The following PACRG variants were observed in gnomAD, a reference collection of about 807,000 sequenced individuals.
PACRG encodes the protein parkin coregulated gene protein.
A neutral mutation model predicts 29.7 loss-of-function variants in PACRG; 29 were observed. The ratio of observed to expected loss-of-function variants is 0.98; its 90% CI spans 0.73 to 1.33. PACRG has a LOEUF of 1.33. Ranked by LOEUF, PACRG falls within the 40% of genes most tolerant of loss-of-function variation. The probability of loss-of-function intolerance (pLI) is 0.00; values close to 1 mark genes in which losing one functional copy is unlikely to be tolerated. For synonymous variants in PACRG, 116 were observed against 118.7 expected, an observed-to-expected ratio of 0.98 and a Z score of 0.15; for missense variants, 279 against 316.2, an observed-to-expected ratio of 0.88 and a Z score of 0.89.
chr6:162,927,217 G>C (rs1487445880), intron 2 of PACRG, among the ~76,000 whole-genome samples: 1 of 152,158 alleles, frequency 6.6e-6, no homozygotes, highest in Non-Finnish European at 1.5e-5. Flanking sequence ...ATGTAAATTA[G>C]TTCAACTATT....
At chr6:162,935,323 A>G (rs1011040937) in intron 2 of PACRG, among the ~76,000 whole-genome samples, 1 of 151,442 alleles carries the variant, frequency 6.6e-6, no homozygotes, top group Non-Finnish European at 1.5e-5. Flanking sequence ...CCAAAATGCA[A>G]AACTTTTTTC....
chr6:162,728,699 A>G (rs1779486075), intron 1 of PACRG, among the ~76,000 whole-genome samples: 1 of 152,206 alleles, frequency 6.6e-6, no homozygotes, highest in Non-Finnish European at 1.5e-5. Context: ...TTTACTTACT[A>G]ATTCCTAACT....
rs535119091 is a variant in PACRG, at chr6:162,885,417, G to A, written c.291+71136G>A. Among the ~76,000 whole-genome samples, 68 of 152,018 alleles carry A rather than the reference G, an allele frequency of 4.5e-4. No homozygotes were observed. The South Asian group carries it at 5.4e-3, about 12-fold the overall frequency. On this transcript the variant is annotated intron_variant, in intron 2 of 4. Coordinates refer to ENST00000366888, the MANE Select transcript of PACRG (RefSeq NM_001080379.2). ...CCCAAGTAGCTGGGATTATAGGAGC[G>A]TGCCACAACACCTGGATAGTTTTTG...
chr6:163,120,982 G>GA (rs1816239939), intron 4 of PACRG, among the ~76,000 whole-genome samples: 1 of 151,968 alleles, frequency 6.6e-6, no homozygotes, highest in Non-Finnish European at 1.5e-5. Context: ...GTTGCTTAAA[G>GA]AAAAAAATGG....
intron 4 of PACRG, among the ~76,000 whole-genome samples, chr6:163,207,774 A>T (rs1260305800): frequency 6.6e-6 from 1 of 152,226 alleles, no homozygotes; most frequent in Non-Finnish European, 1.5e-5. Flanking sequence ...GACTGTCAGG[A>T]TCCATAAGTG....
rs767222690 is a variant in PACRG, at chr6:163,269,867, GAGAAAGAA to G, written c.614-44942_614-44935del. Among the ~76,000 whole-genome samples the G allele has an allele frequency of 5.3e-5, 3 of 56,740 alleles. 1 individual carries two copies. The highest frequency in any genetic ancestry group is 2.5e-4 in the African/African-American group (3 of 12,086). 37.2% of individuals were successfully genotyped at this position (56,740 alleles called of 152,430 possible). On this transcript the variant is annotated intron_variant, in intron 4 of 4. Transcript: ENST00000366888. ...AAAGAAAGAAAGAAAGAGAAAGAAA[GAGAAAGAA>G]AGAAAGAAAGAAAGAAAACAAAGAA...
chr6:163,302,188 C>T (rs1299945693), intron 4 of PACRG, among the ~76,000 whole-genome samples: 1 of 152,096 alleles, frequency 6.6e-6, no homozygotes, highest in East Asian at 1.9e-4. Context: ...TAAATGGCCA[C>T]ATTCAAAACT....
chr6:163,192,608 G>C (rs1780264017), intron 4 of PACRG, among the ~76,000 whole-genome samples: 1 of 152,108 alleles, frequency 6.6e-6, no homozygotes, highest in Non-Finnish European at 1.5e-5. Context: ...TGGTAAGTGT[G>C]TCTCAAGATG....
At position 162,845,347 on chromosome 6, in the gene PACRG, A is replaced by G. The variant is rs1790269724; in HGVS notation, c.291+31066A>G. Among the ~76,000 whole-genome samples, 5 of 152,290 alleles carry G rather than the reference A, an allele frequency of 3.3e-5. No individual in the cohort carries two copies. In the South Asian group the frequency reaches 1.0e-3, roughly 32 times the overall value. ...GTGAGCAAGAATCCCCCAGGCTTGCAAAATTCATTGCAGTGTGGCAACAAG... is the reference window on the plus strand; with the variant it reads ...GTGAGCAAGAATCCCCCAGGCTTGCGAAATTCATTGCAGTGTGGCAACAAG... On this transcript the variant is annotated intron_variant, in intron 2 of 4. Coordinates refer to ENST00000366888, the MANE Select transcript of PACRG (RefSeq NM_001080379.2).
At chr6:163,227,123 A>G (rs1781838040) in intron 4 of PACRG, among the ~76,000 whole-genome samples, 1 of 152,166 alleles carries the variant, frequency 6.6e-6, no homozygotes, top group Admixed American at 6.5e-5. Flanking sequence ...GAGGCTGGGT[A>G]ATTTTTAAGA....
chr6:162,974,552 A>T (rs1269038384), intron 2 of PACRG, among the ~76,000 whole-genome samples: 3 of 152,192 alleles, frequency 2.0e-5, no homozygotes, highest in Non-Finnish European at 4.4e-5. Context: ...TATCTCCATT[A>T]TATACCACTG....
At chr6:163,167,944 G>A (rs1778891866) in intron 4 of PACRG, among the ~76,000 whole-genome samples, 1 of 152,212 alleles carries the variant, frequency 6.6e-6, no homozygotes, top group African/African-American at 2.4e-5. Context: ...GATTGTGGCA[G>A]CTACTCTTTC....
rs1385207548 is a variant in PACRG at position 163,269,928 on chromosome 6, AAACAAAGAAAGAAAGAAAGAAAGAAAG to A, written c.614-44896_614-44870del. Among the ~76,000 whole-genome samples, 3 of 35,200 alleles carry A rather than the reference AAACAAAGAAAGAAAGAAAGAAAGAAAG, an allele frequency of 8.5e-5. 1 individual carries two copies. Among genetic ancestry groups the A allele is most frequent in the African/African-American group, 5.1e-4 (3 of 5,830 alleles). 23.1% of individuals were successfully genotyped at this position (35,200 alleles called of 152,430 possible). On this transcript the variant is annotated intron_variant, in intron 4 of 4. Transcript: ENST00000366888. ...AAAGAAAGAAAGAAAGAAAGAAAGAAAACAAAGAAAGAAAGAAAGAAAGAAAGAAAGAAAGAAAGAAAGAAAGAAAGA... is the reference window on the plus strand; with the variant it reads ...AAAGAAAGAAAGAAAGAAAGAAAGAAAAAGAAAGAAAGAAAGAAAGAAAGA...
In PACRG at chr6:162,830,781, G is replaced by A. The variant is rs77209401; in HGVS notation, c.291+16500G>A. 4.2e-3 allele frequency among the ~76,000 whole-genome samples: 641 copies of A among 152,300 alleles called. 2 individuals are homozygous for A. The highest frequency in any genetic ancestry group is 0.015 in the African/African-American group (606 of 41,572). On this transcript the variant is annotated intron_variant, in intron 2 of 4. Transcript: ENST00000366888. ...GTTATTTGGGCGGCTTTGGTGGAGG[G>A]CTCAGTTGAAGGAGACGAAGTTGGG...
intron 4 of PACRG, chr6:163,095,198 G>C (rs1030611400): frequency 5.3e-6 from 5 of 939,634 alleles, no homozygotes; most frequent in Admixed American, 6.2e-5. Context: ...ATGCTTATGA[G>C]GTTAAATGCC....
At chr6:163,290,891 T>A (rs1019646458) in intron 4 of PACRG, among the ~76,000 whole-genome samples, 8 of 151,648 alleles carry the variant, frequency 5.3e-5, no homozygotes, top group Admixed American at 3.9e-4. Flanking sequence ...GCGGGTAGGG[T>A]TGCGTCGGTG....
chr6:162,961,030 G>T lies in PACRG; in HGVS notation c.292-101120G>T, dbSNP rs181686658. On this transcript the variant is annotated intron_variant, in intron 2 of 4. Transcript: ENST00000366888. The stretch of plus-strand genomic sequence containing the variant: ...CCATGAGAGGTAGAATAACTTTTTG[G>T]CCAGATGAGGATTGCATACTTACCT... Among the ~76,000 whole-genome samples the T allele has an allele frequency of 1.1e-3, 152 of 136,122 alleles. 1 individual carries two copies. The highest frequency in any genetic ancestry group is 2.3e-3 in the Admixed American group (31 of 13,496). The allele number at this position is 136,122 out of a possible 152,430, so 89.3% of individuals were successfully genotyped here. A position where few individuals can be genotyped will look rare whatever the true frequency, so the allele number is the denominator to read the frequency against.
At chr6:163,170,463 G>A (rs1456689190) in intron 4 of PACRG, 1 of 152,218 alleles carries the variant, frequency 6.6e-6, no homozygotes, top group East Asian at 1.9e-4. Flanking sequence ...CACCACTAGA[G>A]GGCGAGCCTC....
intron 4 of PACRG, among the ~76,000 whole-genome samples, chr6:163,172,302 T>G (rs1198799275): frequency 6.6e-6 from 1 of 152,194 alleles, no homozygotes; most frequent in Non-Finnish European, 1.5e-5. Context: ...GACCTTAACT[T>G]CACACCTGAT....
Sources: allele counts gnomAD v4.1 joint callset (sites outside exome capture counted in the v4.1 genomes callset), GRCh38; gene constraint gnomAD v4.1.1; transcripts MANE v1.5; gene names NCBI Gene and HGNC (gene_info 2026-07-23, HGNC 2026-07-21).